Variants in ELOVL2 observed in about 807,000 individuals in gnomAD.
ELOVL2 encodes very long chain fatty acid elongase 2.
Under a neutral mutation model 37.7 loss-of-function variants are expected in ELOVL2, and 38 were observed. The observed-to-expected ratio is 1.01, with a 90% CI of 0.78 to 1.32. The LOEUF is 1.32. Ranked by LOEUF, ELOVL2 falls within the 40% of genes most tolerant of loss-of-function variation. The pLI, the probability that ELOVL2 is intolerant of heterozygous loss-of-function variation, is 0.00. For missense variants in ELOVL2, 352 were observed against 363.6 expected, an observed-to-expected ratio of 0.97 and a Z score of 0.26; for synonymous variants, 115 against 122.3, an observed-to-expected ratio of 0.94 and a Z score of 0.40.
intron 2 of ELOVL2, among the ~76,000 whole-genome samples, chr6:11,005,824 A>T (rs1326386227): frequency 6.6e-6 from 1 of 152,216 alleles, no homozygotes; most frequent in Non-Finnish European, 1.5e-5. Context: ...CAGTTCTTGA[A>T]TGCCTATTTT....
chr6:11,030,882 T>A (rs1001599606), intron 1 of ELOVL2, among the ~76,000 whole-genome samples: 5 of 152,108 alleles, frequency 3.3e-5, no homozygotes, highest in Admixed American at 2.0e-4. Flanking sequence ...CCTTTGTACA[T>A]CTTCCCAATC....
intron 1 of ELOVL2, among the ~76,000 whole-genome samples, chr6:11,017,759 T>C (rs2113535300): frequency 6.6e-6 from 1 of 152,286 alleles, no homozygotes; most frequent in Admixed American, 6.5e-5. Flanking sequence ...TATTTTTTCT[T>C]TACAGCACGT....
In ELOVL2 at chr6:11,022,263, G is replaced by A. The variant is rs114904456; in HGVS notation, c.4-11454C>T. On this transcript the variant is annotated intron_variant, in intron 1 of 7. Coordinates refer to ENST00000354666, the MANE Select transcript of ELOVL2 (RefSeq NM_017770.4). Reference sequence around the variant, plus strand: ...AGTTGTGTCCAGCTAGACAAGAATCGGTGTCCAGCAGAGTCTGGGACACCT... The same window carrying A: ...AGTTGTGTCCAGCTAGACAAGAATCAGTGTCCAGCAGAGTCTGGGACACCT... Among the ~76,000 whole-genome samples the A allele has an allele frequency of 5.6e-3, 846 of 152,238 alleles. 7 individuals carry two copies. Among genetic ancestry groups the A allele is most frequent in the African/African-American group, 0.018 (751 of 41,540 alleles).
At chr6:11,004,566 T>G (rs537482613) in intron 3 of ELOVL2, among the ~76,000 whole-genome samples, 5 of 152,276 alleles carry the variant, frequency 3.3e-5, no homozygotes, top group Admixed American at 6.5e-5. Flanking sequence ...CAGAGGAATT[T>G]GGAGCACAGG....
rs761446185 is a variant in ELOVL2, at chr6:10,989,730, G to A, written c.738C>T (p.Val246=). ...IFQSSYMLTL[V]ILFLNFYVQT... ...GAACGTAAAAATTTAAGAAGAGGATGACTAACGTTAGCATATAAGATGACT... is the reference window on the plus strand; with the variant it reads ...GAACGTAAAAATTTAAGAAGAGGATAACTAACGTTAGCATATAAGATGACT... Residue 246 remains valine, a synonymous_variant, in exon 7 of 8, where the codon GTC becomes GTT. Coordinates refer to ENST00000354666, the MANE Select transcript of ELOVL2 (RefSeq NM_017770.4). 1.2e-6 allele frequency: 2 copies of A among 1,613,982 alleles called. No homozygotes were observed. The highest frequency in any genetic ancestry group is 1.7e-6 in the Non-Finnish European group (2 of 1,179,856).
At chr6:11,038,373 C>G (rs181018861) in intron 1 of ELOVL2, among the ~76,000 whole-genome samples, 1 of 151,932 alleles carries the variant, frequency 6.6e-6, no homozygotes, top group African/African-American at 2.4e-5. Flanking sequence ...CCCAGCTACT[C>G]GGGAGGCTGA....
At position 11,044,219 on chromosome 6, in the gene ELOVL2, C is replaced by T; in HGVS notation, c.3+9G>A. ...GGCGGTGTCGGTGGCGGCGCGCGGC[C>T]CCACTCACCATGATCCGCAGCGGCT... is the stretch of plus-strand genomic sequence containing the variant. On this transcript the variant is annotated intron_variant, in intron 1 of 7. Coordinates refer to ENST00000354666, the MANE Select transcript of ELOVL2 (RefSeq NM_017770.4). This position sits in a 1 kb window ranked among gnomAD's most constrained non-coding sequence, Gnocchi z 5.6. The T allele has an allele frequency of 2.8e-6, 4 of 1,432,404 alleles. No individual in the cohort carries two copies. The South Asian group carries it at 4.4e-5, about 16-fold the overall frequency. The allele number at this position is 1,432,404 out of a possible 1,614,324, so 88.7% of individuals were successfully genotyped here. A position where few individuals can be genotyped will look rare whatever the true frequency, so the allele number is the denominator to read the frequency against.
At position 11,029,119 on chromosome 6, in the gene ELOVL2, G is replaced by A. The variant is rs145111380; in HGVS notation, c.3+15109C>T. On this transcript the variant is annotated intron_variant, in intron 1 of 7. Coordinates refer to ENST00000354666, the MANE Select transcript of ELOVL2 (RefSeq NM_017770.4). Reference sequence around the variant, plus strand: ...AGCACATGCCTGTAGTCCTAGCTACGCAGGAGGCTGAGGCGCAAGAATTAC... The same window carrying A: ...AGCACATGCCTGTAGTCCTAGCTACACAGGAGGCTGAGGCGCAAGAATTAC... Among the ~76,000 whole-genome samples the A allele has an allele frequency of 6.8e-3, 979 of 143,932 alleles. 12 individuals carry two copies. The highest frequency in any genetic ancestry group is 0.024 in the African/African-American group (927 of 39,272). The allele number at this position is 143,932 out of a possible 152,430, so 94.4% of individuals were successfully genotyped here.
chr6:11,018,916 A>G (rs1040815486), intron 1 of ELOVL2, among the ~76,000 whole-genome samples: 1 of 152,222 alleles, frequency 6.6e-6, no homozygotes, highest in African/African-American at 2.4e-5. Context: ...CCACTTAGAT[A>G]GTATCCATAT....
At chr6:10,990,875 G>A (rs1782147495) in intron 5 of ELOVL2, among the ~76,000 whole-genome samples, 1 of 152,198 alleles carries the variant, frequency 6.6e-6, no homozygotes, top group African/African-American at 2.4e-5. Flanking sequence ...GCTGAACAGG[G>A]TGCTAGAGAG....
intron 7 of ELOVL2, among the ~76,000 whole-genome samples, chr6:10,985,291 T>C (rs915078208): frequency 6.6e-6 from 1 of 151,934 alleles, no homozygotes; most frequent in Non-Finnish European, 1.5e-5. Flanking sequence ...GTTGTGAAAA[T>C]TTTCTCCCAT....
At chr6:10,993,178 A>G (rs1272144767) in intron 5 of ELOVL2, among the ~76,000 whole-genome samples, 1 of 152,240 alleles carries the variant, frequency 6.6e-6, no homozygotes, top group African/African-American at 2.4e-5. Context: ...ATAGTTAACA[A>G]TTAGTTTATG....
rs202033600 is a variant in ELOVL2, at chr6:11,038,437, C to T, written c.3+5791G>A. On this transcript the variant is annotated intron_variant, in intron 1 of 7. Transcript: ENST00000354666. ...CAGAGGTTGCAGTGAGCCAAGATTGCGCTACTGCACTCCAGCCTGGTGATG... is the reference window on the plus strand; with the variant it reads ...CAGAGGTTGCAGTGAGCCAAGATTGTGCTACTGCACTCCAGCCTGGTGATG... 6.3e-4 allele frequency among the ~76,000 whole-genome samples: 95 copies of T among 151,954 alleles called. 1 individual carries two copies. In the East Asian group the frequency reaches 0.015, roughly 24 times the overall value.
intron 1 of ELOVL2, among the ~76,000 whole-genome samples, chr6:11,027,372 T>C (rs2113550787): frequency 6.6e-6 from 1 of 152,312 alleles, no homozygotes; most frequent in Middle Eastern, 3.4e-3. Context: ...GCTCTCGTCA[T>C]ATGGGAGAGT....
chr6:10,990,492 ATTCT>A, intron 5 of ELOVL2, 50 bp from the exon 6 acceptor site: 1 of 1,512,964 alleles, frequency 6.6e-7, no homozygotes, highest in South Asian at 1.4e-5. Context: ...AGGACTGTTC[ATTCT>A]TCTTTGTCAA....
intron 2 of ELOVL2, among the ~76,000 whole-genome samples, chr6:11,010,438 A>T (rs1267768982): frequency 6.6e-6 from 1 of 152,242 alleles, no homozygotes; most frequent in Non-Finnish European, 1.5e-5. Flanking sequence ...ACAAGAAAGC[A>T]GCATCCTTTA....
At chr6:10,989,891 A>T in intron 6 of ELOVL2, 54 bp from the exon 7 acceptor site, 1 of 1,606,910 alleles carries the variant, frequency 6.2e-7, no homozygotes, top group Non-Finnish European at 8.5e-7. Context: ...TGCCACACAG[A>T]CACTGCGGCC....
intron 1 of ELOVL2, among the ~76,000 whole-genome samples, chr6:11,014,134 T>G (rs1203204820): frequency 6.6e-6 from 1 of 152,218 alleles, no homozygotes; most frequent in East Asian, 1.9e-4. Context: ...GACCCCTGAT[T>G]ACTTACCACA....
At chr6:11,009,451 G>C (rs1011415112) in intron 2 of ELOVL2, among the ~76,000 whole-genome samples, 9 of 152,098 alleles carry the variant, frequency 5.9e-5, no homozygotes, top group African/African-American at 2.2e-4. Context: ...GTTGACCACG[G>C]GTAACTGGAA....
Sources: gnomAD v4.1 joint callset for allele counts (sites outside exome capture counted in the v4.1 genomes callset) on GRCh38, gnomAD v4.1.1 for gene constraint, Gnocchi (gnomAD v3.1) non-coding constraint, MANE v1.5 for transcripts, NCBI Gene and HGNC (gene_info 2026-07-23, HGNC 2026-07-21) for gene names.